Variants in PPP2R5C observed in about 807,000 individuals in gnomAD.
The protein encoded by PPP2R5C is protein phosphatase 2 regulatory subunit B'gamma.
Under a neutral mutation model 68.9 loss-of-function variants are expected in PPP2R5C, and 7 were observed. That is an observed-to-expected ratio of 0.10 (90% confidence interval 0.06 to 0.19). The LOEUF (loss-of-function observed/expected upper bound fraction) is 0.19, where lower values mean the gene tolerates loss of function less well. Among genes scored for constraint, PPP2R5C ranks in the 10% least tolerant of loss-of-function variants. The pLI, the probability that PPP2R5C is intolerant of heterozygous loss-of-function variation, is 1.00. For synonymous variants in PPP2R5C, 210 were observed against 222.2 expected, an observed-to-expected ratio of 0.95 and a Z score of 0.49; for missense variants, 348 against 641.3, an observed-to-expected ratio of 0.54 and a Z score of 4.94.
chr14:101,761,048 G>A (rs1191792391), upstream of PPP2R5C, among the ~76,000 whole-genome samples: 1 of 134,214 alleles, frequency 7.5e-6, no homozygotes, highest in Non-Finnish European at 1.6e-5. Context: ...GGAGGGGACG[G>A]AGGGGAGGGG....
intron 2 of PPP2R5C, among the ~76,000 whole-genome samples, chr14:101,764,362 A>C (rs1156720405): frequency 6.6e-6 from 1 of 152,236 alleles, no homozygotes; most frequent in Non-Finnish European, 1.5e-5. Context: ...GGATCATTGA[A>C]GCCCCAGTCT....
At chr14:101,900,680 A>G (rs976279400) in intron 8 of PPP2R5C, among the ~76,000 whole-genome samples, 45 of 152,380 alleles carry the variant, frequency 3.0e-4, no homozygotes, top group Admixed American at 1.2e-3. Flanking sequence ...TGATTGTGGT[A>G]AGACATTTGG....
At chr14:101,912,941 A>G (rs368489953) in intron 12 of PPP2R5C, among the ~76,000 whole-genome samples, 28 of 152,356 alleles carry the variant, frequency 1.8e-4, no homozygotes, top group African/African-American at 6.3e-4. Flanking sequence ...ATCATTAAAA[A>G]TCAGCTGAAT....
chr14:101,847,874 G>T (rs1341159018), intron 1 of PPP2R5C, among the ~76,000 whole-genome samples: 1 of 152,036 alleles, frequency 6.6e-6, no homozygotes, highest in Admixed American at 6.5e-5. Context: ...TGTTGGCCAG[G>T]ATGGTCTCAA....
In PPP2R5C at chr14:101,825,675, G is replaced by A. The variant is rs1265516922; in HGVS notation, c.94+15639G>A. The stretch of plus-strand genomic sequence containing the variant: ...TTTAGTTGAATGAACCAGTTTTGTT[G>A]TATTTCAGATATTCTCACTGTGTAG... On this transcript the variant is annotated intron_variant, in intron 1 of 13. Coordinates refer to ENST00000334743, the Ensembl canonical transcript of PPP2R5C. This position sits in a 1 kb window ranked among gnomAD's most constrained non-coding sequence, Gnocchi z 4.0. 6.6e-6 allele frequency among the ~76,000 whole-genome samples: 1 copy of A among 152,140 alleles called. No individual in the cohort carries two copies. Among genetic ancestry groups the A allele is most frequent in the Non-Finnish European group, 1.5e-5 (1 of 68,018 alleles).
chr14:101,795,734 G>A (rs1264260346), intron 3 of PPP2R5C, among the ~76,000 whole-genome samples: 1 of 152,184 alleles, frequency 6.6e-6, no homozygotes, highest in African/African-American at 2.4e-5. Context: ...TACTTGAATT[G>A]TTTAAAATTG....
In PPP2R5C at chr14:101,835,829, A is replaced by T. The variant is rs1391192063; in HGVS notation, c.95-20857A>T. ...GCTGCCCTGCCTGGGCTCAGGCATC[A>T]GCACGGTCCCATCTGAGCGTCGCCT... On this transcript the variant is annotated intron_variant, in intron 1 of 13. Coordinates refer to ENST00000334743, the Ensembl canonical transcript of PPP2R5C. The surrounding 1 kb of genome is among the most constrained non-coding windows in gnomAD (Gnocchi z 5.0). 2.6e-5 allele frequency among the ~76,000 whole-genome samples: 4 copies of T among 152,240 alleles called. No individual in the cohort carries two copies. Among genetic ancestry groups the T allele is most frequent in the Non-Finnish European group, 4.4e-5 (3 of 68,042 alleles).
At chr14:101,885,481 C>T (rs903753598) in intron 5 of PPP2R5C, among the ~76,000 whole-genome samples, 6 of 137,640 alleles carry the variant, frequency 4.4e-5, no homozygotes, top group African/African-American at 9.0e-5. Context: ...CCCACAGCCC[C>T]GGCCTCTCCC....
upstream of PPP2R5C, chr14:101,761,786 G>A: frequency 2.1e-6 from 2 of 968,966 alleles, no homozygotes; most frequent in South Asian, 9.3e-5. Context: ...TCCCCGGGCG[G>A]CGGCGGCGGC....
At chr14:101,768,367 G>A (rs2036966744) in intron 2 of PPP2R5C, among the ~76,000 whole-genome samples, 1 of 152,078 alleles carries the variant, frequency 6.6e-6, no homozygotes. Flanking sequence ...CAATTATCAA[G>A]CACCCCAAAG....
intron 3 of PPP2R5C, among the ~76,000 whole-genome samples, chr14:101,791,827 G>T (rs1344921856): frequency 2.0e-5 from 3 of 151,996 alleles, no homozygotes; most frequent in East Asian, 1.9e-4. Context: ...CCTGCGTCAG[G>T]TCACACTAGT....
intron 2 of PPP2R5C, among the ~76,000 whole-genome samples, chr14:101,763,798 C>G (rs563689944): frequency 1.3e-5 from 2 of 152,148 alleles, no homozygotes; most frequent in Non-Finnish European, 1.5e-5. Context: ...GGGTCATCTC[C>G]CCACCGCCAC....
chr14:101,903,112 C>A (rs1310034702), intron 9 of PPP2R5C, among the ~76,000 whole-genome samples: 1 of 149,402 alleles, frequency 6.7e-6, no homozygotes, highest in Non-Finnish European at 1.5e-5. Context: ...AGCATGGTTT[C>A]CTAGAAACTG....
At chr14:101,772,661 T>G (rs2037213090) in intron 2 of PPP2R5C, among the ~76,000 whole-genome samples, 2 of 151,898 alleles carry the variant, frequency 1.3e-5, no homozygotes, top group Non-Finnish European at 2.9e-5. Context: ...CCGAGTGTGG[T>G]GGCATGCACC....
At chr14:101,890,068 G>A in intron 5 of PPP2R5C, 169 bp from the exon 8 acceptor site, 1 of 701,486 alleles carries the variant, frequency 1.4e-6, no homozygotes, top group Non-Finnish European at 2.6e-6. Context: ...ACAGCTGCAG[G>A]CCTTGAGGAG....
At chr14:101,892,199 C>T (rs894414267) in intron 6 of PPP2R5C, among the ~76,000 whole-genome samples, 1 of 152,148 alleles carries the variant, frequency 6.6e-6, no homozygotes, top group Non-Finnish European at 1.5e-5. Flanking sequence ...TCAGGTGATC[C>T]ACCCACCTCA....
At chr14:101,817,912 A>G (rs545220711) in intron 1 of PPP2R5C, 2 of 152,372 alleles carry the variant, frequency 1.3e-5, no homozygotes, top group East Asian at 1.9e-4. Context: ...TAGGTCACGT[A>G]TGGTACTCTA....
intron 1 of PPP2R5C, chr14:101,820,923 C>T (rs1293912797): frequency 1.3e-5 from 2 of 151,848 alleles, no homozygotes; most frequent in African/African-American, 4.8e-5. Context: ...CCCCCATAAT[C>T]AAAGCTCTTT....
chr14:101,782,250 C>T (rs1475872733), intron 2 of PPP2R5C, among the ~76,000 whole-genome samples: 1 of 6,542 alleles, frequency 1.5e-4, no homozygotes, highest in Admixed American at 7.8e-4. Context: ...CCCCCTTCCC[C>T]CTCTCTCCCC....
Sources: allele counts gnomAD v4.1 joint callset (sites outside exome capture counted in the v4.1 genomes callset), GRCh38; gene constraint gnomAD v4.1.1; non-coding constraint Gnocchi (gnomAD v3.1); transcripts MANE v1.5; gene names NCBI Gene and HGNC (gene_info 2026-07-23, HGNC 2026-07-21).